CD200: variants seen among roughly 807,000 people sequenced by gnomAD.
CD200 encodes the protein CD200 molecule.
A neutral mutation model predicts 30.9 loss-of-function variants in CD200; 15 were observed. That is an observed-to-expected ratio of 0.49 (90% CI 0.32 to 0.75). The LOEUF is 0.75. Ranked by LOEUF, CD200 falls within the 30% of genes least tolerant of loss-of-function variation. CD200 has a pLI of 0.03. For missense variants in CD200, 262 were observed against 324.2 expected (o/e 0.81, Z 1.47); for synonymous variants, 134 against 126.2 (o/e 1.06, Z -0.41).
upstream of CD200, chr3:112,333,111 G>A (rs771666363): frequency 7.7e-4 from 1,165 of 1,513,206 alleles, 5 homozygotes; most frequent in Middle Eastern, 7.5e-3. Context: ...GAAGAGGCGG[G>A]AGGTGCGGCA....
chr3:112,346,991 G>T (rs1283726314), intron 3 of CD200, among the ~76,000 whole-genome samples: 3 of 152,124 alleles, frequency 2.0e-5, no homozygotes, highest in Non-Finnish European at 4.4e-5. Flanking sequence ...GTTTTGTGTA[G>T]CTCTTCCAAA....
chr3:112,336,618 A>G (rs917680097), intron 1 of CD200, among the ~76,000 whole-genome samples: 9 of 152,034 alleles, frequency 5.9e-5, no homozygotes, highest in Non-Finnish European at 1.3e-4. Context: ...ATTATGGGCC[A>G]ATATTCTAGA....
intron 5 of CD200, among the ~76,000 whole-genome samples, chr3:112,358,298 G>A (rs1017032302): frequency 6.6e-6 from 1 of 152,166 alleles, no homozygotes; most frequent in African/African-American, 2.4e-5. Flanking sequence ...AACATGTTGT[G>A]GAATGAAAGG....
At chr3:112,340,809 T>C (rs2081221982) in intron 1 of CD200, 93 bp from the exon 2 acceptor site, 8 of 849,972 alleles carry the variant, frequency 9.4e-6, no homozygotes, top group Admixed American at 2.0e-5. Context: ...AAAACTTAGC[T>C]ACAACATTCC....
chr3:112,344,562 A>T (rs1356582412), intron 2 of CD200, among the ~76,000 whole-genome samples: 1 of 152,110 alleles, frequency 6.6e-6, no homozygotes, highest in African/African-American at 2.4e-5. Flanking sequence ...CTTTACTTAC[A>T]GTGGTCACTC....
At position 112,345,196 on chromosome 3, in the gene CD200, A is replaced by G; in HGVS notation, c.329A>G (p.Asn110Ser). 6.2e-7 allele frequency: 1 copy of G among 1,614,084 alleles called. No homozygotes were observed. The highest frequency in any genetic ancestry group is 2.2e-5 in the East Asian group (1 of 44,884). Residue 110 changes from asparagine to serine, a missense_variant, in exon 3 of 6, where the codon AAT (asparagine) becomes AGT (serine). Transcript: ENST00000315711. ...CAAAACTCAACCATCACCTTCTGGA[A>G]TATCACCCTGGAGGATGAAGGGTGT... ...GLQNSTITFW[N>S]ITLEDEGCYM...
intron 2 of CD200, among the ~76,000 whole-genome samples, chr3:112,343,127 C>T (rs1007477798): frequency 5.3e-5 from 8 of 151,706 alleles, no homozygotes; most frequent in Non-Finnish European, 8.8e-5. Context: ...GATTTTCCAT[C>T]AAATAATCTA....
intron 1 of CD200, among the ~76,000 whole-genome samples, chr3:112,336,248 G>A (rs1454825577): frequency 6.6e-6 from 1 of 152,078 alleles, no homozygotes; most frequent in African/African-American, 2.4e-5. Context: ...TTGAGTAGGA[G>A]GATATTAAAA....
At chr3:112,357,564 A>G (rs1449032606) in intron 5 of CD200, among the ~76,000 whole-genome samples, 1 of 152,226 alleles carries the variant, frequency 6.6e-6, no homozygotes, top group Non-Finnish European at 1.5e-5. Flanking sequence ...CATGAATTGT[A>G]CAAATGTTCA....
At chr3:112,347,464 T>C (rs957825658) in intron 3 of CD200, 94 bp from the exon 4 acceptor site, 1 of 1,247,560 alleles carries the variant, frequency 8.0e-7, no homozygotes, top group African/African-American at 1.5e-5. Flanking sequence ...CCATTATCTT[T>C]CTATAAGCAT....
At chr3:112,355,713 A>T (rs1313967372) in intron 5 of CD200, among the ~76,000 whole-genome samples, 1 of 152,150 alleles carries the variant, frequency 6.6e-6, no homozygotes, top group African/African-American at 2.4e-5. Context: ...CATTTTCAGA[A>T]TTCTTCAAAA....
At chr3:112,339,732 T>G (rs2081196336) in intron 1 of CD200, among the ~76,000 whole-genome samples, 1 of 152,236 alleles carries the variant, frequency 6.6e-6, no homozygotes, top group South Asian at 2.1e-4. Flanking sequence ...TTTTCTTTCA[T>G]CCAGCACAAG....
chr3:112,342,804 C>T (rs2081298297), intron 2 of CD200, among the ~76,000 whole-genome samples: 1 of 152,128 alleles, frequency 6.6e-6, no homozygotes, highest in Non-Finnish European at 1.5e-5. Flanking sequence ...TTTTTCTATG[C>T]TTTCTGGTGT....
chr3:112,358,511 G>A (rs773092859), intron 5 of CD200, among the ~76,000 whole-genome samples: 1 of 152,208 alleles, frequency 6.6e-6, no homozygotes, highest in Non-Finnish European at 1.5e-5. Flanking sequence ...TTGAAGAAGA[G>A]AAACTGTTTT....
At chr3:112,339,329 G>C (rs2081188286) in intron 1 of CD200, among the ~76,000 whole-genome samples, 1 of 152,150 alleles carries the variant, frequency 6.6e-6, no homozygotes, top group Non-Finnish European at 1.5e-5. Flanking sequence ...AGTTTCAAAA[G>C]ACTAAATGCT....
rs147953031 is a variant in CD200 at position 112,362,352 on chromosome 3, C to A, written c.*802C>A. 24 of 152,382 alleles carry A rather than the reference C, an allele frequency of 1.6e-4. No homozygotes were observed. Among genetic ancestry groups the A allele is most frequent in the African/African-American group, 5.5e-4 (23 of 41,572 alleles). 9.4% of individuals were successfully genotyped at this position (152,382 alleles called of 1,614,324 possible). A position where few individuals can be genotyped will look rare whatever the true frequency, so the allele number is the denominator to read the frequency against. On this transcript the variant is annotated 3_prime_UTR_variant, in exon 6 of 6. Coordinates refer to ENST00000315711, the MANE Select transcript of CD200 (RefSeq NM_005944.7). ...ACATTTTTTGAGAAGCATGCCCTCC[C>A]TGTCCATTTGTCTTATAACATGACC...
chr3:112,333,571 C>T, intron 1 of CD200: 1 of 985,414 alleles, frequency 1.0e-6, no homozygotes, highest in Non-Finnish European at 1.2e-6. Flanking sequence ...CTCACTGGCT[C>T]CAGCTCCCAA....
At chr3:112,346,315 A>G (rs1168592993) in intron 3 of CD200, among the ~76,000 whole-genome samples, 1 of 132,444 alleles carries the variant, frequency 7.6e-6, no homozygotes, top group Non-Finnish European at 1.6e-5. Context: ...TTCTTGTGTC[A>G]TATTTTTCTC....
upstream of CD200, chr3:112,332,960 G>A: frequency 1.8e-6 from 1 of 557,510 alleles, no homozygotes; most frequent in Non-Finnish European, 3.1e-6. Context: ...AGTTTCCCCA[G>A]CGGTCACCTT....
Sources: allele counts gnomAD v4.1 joint callset (sites outside exome capture counted in the v4.1 genomes callset), GRCh38; gene constraint gnomAD v4.1.1; transcripts MANE v1.5; gene names NCBI Gene and HGNC (gene_info 2026-07-23, HGNC 2026-07-21).